FAT1: variants seen among roughly 807,000 people sequenced by gnomAD.
FAT1 encodes the protein FAT atypical cadherin 1.
In FAT1, 171 loss-of-function variants were observed where a neutral mutation model predicts 329.8. The observed-to-expected ratio is 0.52, with a 90% CI of 0.46 to 0.59. The LOEUF (loss-of-function observed/expected upper bound fraction) is 0.59. Ranked by LOEUF, FAT1 falls within the 20% of genes least tolerant of loss-of-function variation. The pLI is 0.00. For synonymous variants in FAT1, 2,233 were observed against 2,228.6 expected (o/e 1.00, Z -0.06); for missense variants, 5,672 against 5,774.4 (o/e 0.98, Z 0.57).
In FAT1 at chr4:186,587,965, G is replaced by T. The variant is rs1738034948; in HGVS notation, c.*627C>A. The T allele has an allele frequency of 4.6e-6, 1 of 216,800 alleles. No homozygotes were observed. Among genetic ancestry groups the T allele is most frequent in the East Asian group, 6.9e-5 (1 of 14,428 alleles). 13.4% of individuals were successfully genotyped at this position (216,800 alleles called of 1,614,324 possible). A position where few individuals can be genotyped will look rare whatever the true frequency, so the allele number is the denominator to read the frequency against. On this transcript the variant is annotated 3_prime_UTR_variant, in exon 27 of 27. Coordinates refer to ENST00000441802, the MANE Select transcript of FAT1 (RefSeq NM_005245.4). ...GGTCCCCGTTACACTTTCCAATAATGAAAAATGTTTATAATTCTAAATACA... is the reference window on the plus strand; with the variant it reads ...GGTCCCCGTTACACTTTCCAATAATTAAAAATGTTTATAATTCTAAATACA...
intron 2 of FAT1, among the ~76,000 whole-genome samples, chr4:186,692,457 C>T (rs1009623679): frequency 4.5e-4 from 68 of 152,194 alleles, no homozygotes; most frequent in African/African-American, 1.3e-3. Context: ...GGACTACAGG[C>T]GCCCGCCACC....
rs1744751370 is a variant in FAT1, at chr4:186,708,311, T to C, written c.1517A>G (p.Asn506Ser). 6.2e-7 allele frequency: 1 copy of C among 1,613,836 alleles called. No homozygotes were observed. The highest frequency in any genetic ancestry group is 8.5e-7 in the Non-Finnish European group (1 of 1,179,862). The change falls in exon 2 of 27, where the codon AAT (asparagine) becomes AGT (serine). Residue 506 changes from asparagine to serine, a missense_variant. By Grantham distance (46) the Asn-to-Ser change is conservative. This residue lies in a region of FAT1 where 3,966 missense variants were observed against 3,915.2 expected (regional missense o/e 1.01). Transcript: ENST00000441802. The stretch of plus-strand genomic sequence containing the variant: ...ATGGTCAATCGCAAACGGCACATGA[T>C]TTAAATTTGCGATACTGTATGTCAC... The part of the protein sequence containing the change: ...GYVTYSIANL[N>S]HVPFAIDHFT...
In FAT1 at chr4:186,709,537, T is replaced by A. The variant is rs2126704942; in HGVS notation, c.291A>T (p.Arg97Ser). Residue 97 changes from arginine (R) to serine (S), a missense_variant, in exon 2 of 27, where the codon AGA (arginine) becomes AGT (serine). By Grantham distance (110) the Arg-to-Ser change is moderately radical. Transcript: ENST00000441802. ...CTGTATTTCCTCCTTTGGTCCTTAT[T>A]CTTAGAAAGCAAAAGTCTCCGAGAA... is the stretch of plus-strand genomic sequence containing the variant. ...EYILGDFCFL[R>S]IRTKGGNTAI... 1 of 1,614,014 alleles carries A rather than the reference T, an allele frequency of 6.2e-7. No individual in the cohort carries two copies. The highest frequency in any genetic ancestry group is 8.5e-7 in the Non-Finnish European group (1 of 1,179,890).
intron 2 of FAT1, among the ~76,000 whole-genome samples, chr4:186,690,763 T>A (rs1035789609): frequency 6.6e-6 from 1 of 152,182 alleles, no homozygotes; most frequent in African/African-American, 2.4e-5. Flanking sequence ...GAACTCTACA[T>A]AAGTCTCTAA....
intron 4 of FAT1, among the ~76,000 whole-genome samples, chr4:186,639,135 T>C (rs1740977777): frequency 6.6e-6 from 1 of 152,222 alleles, no homozygotes; most frequent in South Asian, 2.1e-4. Context: ...TCCATGAGAA[T>C]GAGAAGCCTT....
chr4:186,654,214 A>C (rs1034902593), intron 3 of FAT1, among the ~76,000 whole-genome samples: 6 of 152,226 alleles, frequency 3.9e-5, no homozygotes, highest in Non-Finnish European at 7.3e-5. Context: ...TAAGGAGCAC[A>C]GCAGGCTATT....
chr4:186,708,384 C>G lies in FAT1; in HGVS notation c.1444G>C (p.Val482Leu), dbSNP rs3733413. Residue 482 changes from valine (V) to leucine (L), a missense_variant, in exon 2 of 27, where the codon GTC becomes CTC. Coordinates refer to ENST00000441802, the MANE Select transcript of FAT1 (RefSeq NM_005245.4). ...FDENVPIGTT[V>L]MSLSAVDPDE... is the part of the protein sequence containing the mutation. ...GGGTCTACGGCACTCAGGCTCATGACAGTAGTACCAATGGGCACGTTCTCA... is the reference window on the plus strand; with the variant it reads ...GGGTCTACGGCACTCAGGCTCATGAGAGTAGTACCAATGGGCACGTTCTCA... 8 of 1,613,638 alleles carry G rather than the reference C, an allele frequency of 5.0e-6. No homozygotes were observed. The highest frequency in any genetic ancestry group is 1.3e-5 in the African/African-American group (1 of 74,842).
intron 2 of FAT1, among the ~76,000 whole-genome samples, chr4:186,673,440 C>T (rs1373883499): frequency 6.6e-6 from 1 of 152,060 alleles, no homozygotes; most frequent in Admixed American, 6.6e-5. Flanking sequence ...CTGGCAGCTT[C>T]GATAACTAAC....
At chr4:186,601,185 T>C in intron 21 of FAT1, 84 bp downstream of exon 21, 1 of 1,217,446 alleles carries the variant, frequency 8.2e-7, no homozygotes, top group African/African-American at 1.5e-5. Flanking sequence ...CTTTATTATC[T>C]GTGCAAATTA....
rs893933434 is a variant in FAT1, at chr4:186,617,975, T to C, written c.8611A>G (p.Thr2871Ala). The change falls in exon 10 of 27, where the codon ACT becomes GCT. Residue 2871 changes from threonine to alanine, a missense_variant. By Grantham distance (58) the Thr-to-Ala change is moderately conservative. Around this residue, in one of 2 missense-constraint regions of FAT1, gnomAD observed 3,966 missense variants for 3,915.2 expected, o/e 1.01. Transcript: ENST00000441802. ...AINMETGWIT[T>A]LKELDHEKRD... is the part of the protein sequence containing the mutation. ...TTTTCATGGTCAAGTTCCTTTAAAG[T>C]TGTAATCCAGCCTGTTTCCATGTTA... 3.7e-6 allele frequency: 6 copies of C among 1,613,934 alleles called. No individual in the cohort carries two copies. In the Admixed American group the frequency reaches 8.3e-5, roughly 22 times the overall value.
Position 186,707,095 on chromosome 4 carries a change from G to T in FAT1, c.2733C>A (p.Val911=), listed in dbSNP as rs770068397. 1 of 1,613,982 alleles carries T rather than the reference G, an allele frequency of 6.2e-7. No homozygotes were observed. The highest frequency in any genetic ancestry group is 8.5e-7 in the Non-Finnish European group (1 of 1,179,896). ...CATCTTCTAGTGATACTTTCACAAC[G>T]ACAGTGGAGAACAGCTGAGGCTCTT... The part of the protein sequence containing the change: ...AREEPQLFST[V]VVKVSLEDVN... The change falls in exon 2 of 27, where the codon GTC becomes GTA. Residue 911 remains valine, a synonymous_variant. Transcript: ENST00000441802.
At chr4:186,692,448 G>T (rs1015480957) in intron 2 of FAT1, among the ~76,000 whole-genome samples, 8 of 152,092 alleles carry the variant, frequency 5.3e-5, no homozygotes, top group Non-Finnish European at 1.0e-4. Context: ...GAGTAGCTGG[G>T]ACTACAGGCG....
At position 186,675,808 on chromosome 4, in the gene FAT1, CACACACACACACACACAATT is replaced by C. The variant is rs1204807264; in HGVS notation, c.3266-12215_3266-12196del. Among the ~76,000 whole-genome samples the C allele has an allele frequency of 7.9e-5, 12 of 151,630 alleles. No individual in the cohort carries two copies. The East Asian group carries it at 2.3e-3, about 30-fold the overall frequency. ...ACACACACACACACACACACACACA[CACACACACACACACACAATT>C]AATTTTTAAAAGCTGTACCTTATTT... On this transcript the variant is annotated intron_variant, in intron 2 of 26. Coordinates refer to ENST00000441802, the MANE Select transcript of FAT1 (RefSeq NM_005245.4).
upstream of FAT1, among the ~76,000 whole-genome samples, chr4:186,724,465 C>T (rs1745639411): frequency 6.6e-6 from 1 of 152,182 alleles, no homozygotes; most frequent in Non-Finnish European, 1.5e-5. This position sits in a 1 kb window ranked among gnomAD's most constrained non-coding sequence, Gnocchi z 5.3. Context: ...CCGCGGGCGC[C>T]TGGCCTCCCC....
chr4:186,651,859 C>T (rs915159898), intron 3 of FAT1, among the ~76,000 whole-genome samples: 3 of 152,238 alleles, frequency 2.0e-5, no homozygotes, highest in African/African-American at 7.2e-5. Context: ...CACGTCACTA[C>T]AGCCGGCTGC....
At chr4:186,719,604 T>C (rs1745373789) in intron 1 of FAT1, among the ~76,000 whole-genome samples, 1 of 152,196 alleles carries the variant, frequency 6.6e-6, no homozygotes, top group Admixed American at 6.5e-5. Context: ...TGGGAGAACA[T>C]CAAATGTGGA....
In FAT1 at chr4:186,620,954, C is replaced by T. The variant is rs2126520750; in HGVS notation, c.5632G>A (p.Val1878Met). 6.2e-7 allele frequency: 1 copy of T among 1,613,844 alleles called. No individual in the cohort carries two copies. Among genetic ancestry groups the T allele is most frequent in the Non-Finnish European group, 8.5e-7 (1 of 1,179,894 alleles). ...HVIDINDCPP[V>M]FAKPLYEASL... Reference sequence around the variant, plus strand: ...GCTTCATATAATGGCTTGGCAAACACAGGGGGGCAGTCATTAATGTCAATT... The same window carrying T: ...GCTTCATATAATGGCTTGGCAAACATAGGGGGGCAGTCATTAATGTCAATT... Residue 1878 changes from valine to methionine, a missense_variant, in exon 10 of 27, where the codon GTG becomes ATG. Transcript: ENST00000441802.
chr4:186,701,662 CG>C (rs1376524590), intron 2 of FAT1, among the ~76,000 whole-genome samples: 1 of 152,200 alleles, frequency 6.6e-6, no homozygotes, highest in Non-Finnish European at 1.5e-5. Flanking sequence ...AGTCAGGATC[CG>C]GGGCCCGTCA....
Position 186,588,495 on chromosome 4 carries a change from CAA to C in FAT1, c.*95_*96del. ...GCGCAGCCATGCCCATTCGGCTCAC[CAA>C]AAAAAGCTTGGAAGCACTGCTGCAA... On this transcript the variant is annotated 3_prime_UTR_variant, in exon 27 of 27. Coordinates refer to ENST00000441802, the MANE Select transcript of FAT1 (RefSeq NM_005245.4). The C allele has an allele frequency of 1.4e-6, 2 of 1,450,268 alleles. No homozygotes were observed. Among genetic ancestry groups the C allele is most frequent in the Non-Finnish European group, 1.8e-6 (2 of 1,093,198 alleles). The allele number at this position is 1,450,268 out of a possible 1,614,324, so 89.8% of individuals were successfully genotyped here.
Sources: gnomAD v4.1 joint callset for allele counts (sites outside exome capture counted in the v4.1 genomes callset) on GRCh38, gnomAD v4.1.1 for gene constraint, gnomAD v4.1.1 regional missense constraint, Gnocchi (gnomAD v3.1) non-coding constraint, MANE v1.5 for transcripts, NCBI Gene and HGNC (gene_info 2026-07-23, HGNC 2026-07-21) for gene names.